The following SPAM1 variants were observed in gnomAD, a reference collection of about 807,000 sequenced individuals.
SPAM1 encodes sperm adhesion molecule 1, also known as hyaluronidase PH-20.
SPAM1 carries 22 observed loss-of-function variants against 29.6 expected under a neutral mutation model. The ratio of observed to expected loss-of-function variants is 0.74; its 90% confidence interval spans 0.53 to 1.06. SPAM1 has a LOEUF of 1.06. Among genes scored for constraint, SPAM1 ranks in the 50% least tolerant of loss-of-function variants. The pLI is 0.00. For synonymous variants in SPAM1, 194 were observed against 204.6 expected (o/e 0.95, Z 0.44); for missense variants, 534 against 604.0 (o/e 0.88, Z 1.21).
chr7:123,927,416 A>G (rs1807921893), intron 1 of SPAM1, among the ~76,000 whole-genome samples: 1 of 152,166 alleles, frequency 6.6e-6, no homozygotes, highest in Admixed American at 6.5e-5. Context: ...GTAGCATCGG[A>G]AGGAGGGCAT....
At chr7:123,928,562 T>G (rs571403540) in intron 1 of SPAM1, among the ~76,000 whole-genome samples, 63 of 152,256 alleles carry the variant, frequency 4.1e-4, no homozygotes, top group Non-Finnish European at 7.4e-4. Context: ...GAAACAGGCT[T>G]CCCTGGAATT....
At chr7:123,971,301 A>G (rs1402309825) in exon 7 of SPAM1, 1 of 152,140 alleles carries the variant, frequency 6.6e-6, no homozygotes, top group Admixed American at 6.6e-5. Context: ...TGCCTTTTCC[A>G]TCAATTTTAG....
intron 5 of SPAM1, among the ~76,000 whole-genome samples, chr7:123,966,976 C>T (rs769970874): frequency 6.6e-6 from 1 of 151,810 alleles, no homozygotes; most frequent in Non-Finnish European, 1.5e-5. Flanking sequence ...TATCAAGGGC[C>T]GTCTGTTAAT....
chr7:123,929,513 G>A (rs1293125010), intron 1 of SPAM1, among the ~76,000 whole-genome samples: 6 of 152,018 alleles, frequency 3.9e-5, no homozygotes, highest in Non-Finnish European at 8.8e-5. Flanking sequence ...TTCTCTCTAA[G>A]TTTAATAGGA....
At chr7:123,958,926 T>C (rs1792304089) in intron 4 of SPAM1, among the ~76,000 whole-genome samples, 1 of 152,060 alleles carries the variant, frequency 6.6e-6, no homozygotes, top group Non-Finnish European at 1.5e-5. Context: ...GGCCCCTGTG[T>C]TAAGCACATT....
chr7:123,951,169 T>C (rs1319337614), intron 2 of SPAM1, among the ~76,000 whole-genome samples: 1 of 152,122 alleles, frequency 6.6e-6, no homozygotes, highest in Non-Finnish European at 1.5e-5. Flanking sequence ...TCCTTTGTCA[T>C]AGGCACAATT....
intron 1 of SPAM1, chr7:123,926,185 G>T (rs541710051): frequency 6.6e-6 from 1 of 152,290 alleles, no homozygotes; most frequent in Admixed American, 6.5e-5. Flanking sequence ...CAGATTTACT[G>T]AGCACTGGAT....
chr7:123,961,948 G>A (rs1474286093), downstream of SPAM1, among the ~76,000 whole-genome samples: 2 of 151,870 alleles, frequency 1.3e-5, no homozygotes, highest in Non-Finnish European at 2.9e-5. Context: ...GAACAGTAGG[G>A]GGGAAATCTG....
chr7:123,931,009 T>C (rs1338818709), intron 1 of SPAM1, among the ~76,000 whole-genome samples: 1 of 152,138 alleles, frequency 6.6e-6, no homozygotes, highest in Non-Finnish European at 1.5e-5. Flanking sequence ...CAGGGTGTTC[T>C]TAAGTCACTA....
intron 1 of SPAM1, chr7:123,932,214 A>G (rs1808104633): frequency 6.6e-6 from 1 of 152,244 alleles, no homozygotes; most frequent in Admixed American, 6.5e-5. Flanking sequence ...GTCAAGTGGT[A>G]TCTATGGCTA....
At chr7:123,947,264 A>G (rs1808605662) in intron 1 of SPAM1, among the ~76,000 whole-genome samples, 1 of 152,112 alleles carries the variant, frequency 6.6e-6, no homozygotes, top group Non-Finnish European at 1.5e-5. Context: ...ATGCTGAGCA[A>G]TAAGTCCAGG....
At chr7:123,933,939 T>C (rs928120018) in intron 1 of SPAM1, among the ~76,000 whole-genome samples, 9 of 152,192 alleles carry the variant, frequency 5.9e-5, no homozygotes, top group Middle Eastern at 3.2e-3. Flanking sequence ...GATGTTATAG[T>C]CATTGTACTG....
intron 5 of SPAM1, chr7:123,970,142 C>T: frequency 6.5e-7 from 1 of 1,535,292 alleles, no homozygotes; most frequent in Non-Finnish European, 8.8e-7. Flanking sequence ...TAACAAAGTG[C>T]CACAGACTAG....
chr7:123,932,704 A>T (rs1387129548), intron 1 of SPAM1, among the ~76,000 whole-genome samples: 2 of 152,228 alleles, frequency 1.3e-5, no homozygotes, highest in African/African-American at 4.8e-5. Flanking sequence ...ACTCGTTCAC[A>T]CAAATGGTTT....
At chr7:123,970,110 C>T in intron 5 of SPAM1, 1 of 1,365,954 alleles carries the variant, frequency 7.3e-7, no homozygotes, top group Non-Finnish European at 1.0e-6. Flanking sequence ...TGTATATCTC[C>T]ATTAGTTTGC....
At chr7:123,961,898 T>C (rs1792363939), downstream of SPAM1, among the ~76,000 whole-genome samples, 1 of 151,930 alleles carries the variant, frequency 6.6e-6, no homozygotes, top group African/African-American at 2.4e-5. Flanking sequence ...AAACCCCTTA[T>C]GAAATCATCA....
intron 1 of SPAM1, 140 bp from the exon 2 acceptor site, chr7:123,949,732 A>G (rs1366033192): frequency 6.6e-6 from 1 of 152,188 alleles, no homozygotes; most frequent in African/African-American, 2.4e-5. Flanking sequence ...TCCTAGTTCA[A>G]AGGATTTAGC....
chr7:123,960,561 A>G (rs1792345470), downstream of SPAM1, among the ~76,000 whole-genome samples: 1 of 151,994 alleles, frequency 6.6e-6, no homozygotes, highest in Admixed American at 6.6e-5. Flanking sequence ...ATCGAAAGGA[A>G]TACTTTCAGT....
Position 123,937,463 on chromosome 7 carries a change from T to C in SPAM1, c.-319+12111T>C, listed in dbSNP as rs528671408. ...AAAAATACAAAAAATTAGCCGGGCA[T>C]GGTGGCGGGCGCCTGTAGTCCCAGC... On this transcript the variant is annotated intron_variant, in intron 1 of 4. Transcript: ENST00000682466. 1.3e-3 allele frequency among the ~76,000 whole-genome samples: 202 copies of C among 151,958 alleles called. 2 individuals are homozygous for C. Among genetic ancestry groups the C allele is most frequent in the Middle Eastern group, 0.01 (3 of 292 alleles).
Sources: gnomAD v4.1 joint callset for allele counts (sites outside exome capture counted in the v4.1 genomes callset) on GRCh38, gnomAD v4.1.1 for gene constraint, MANE v1.5 for transcripts, NCBI Gene and HGNC (gene_info 2026-07-23, HGNC 2026-07-21) for gene names.